STON2: variants seen among roughly 807,000 people sequenced by gnomAD.
The protein encoded by STON2 is stonin-2.
STON2 carries 29 observed loss-of-function variants against 65.7 expected under a neutral mutation model. That is an observed-to-expected ratio of 0.44 (90% CI 0.33 to 0.60). STON2 has a LOEUF of 0.60. STON2 is among the 20% of genes least tolerant of loss of function. The pLI is 0.03. For missense variants in STON2, 1,054 were observed against 1,118.1 expected (o/e 0.94, Z 0.82); for synonymous variants, 404 against 414.2 (o/e 0.98, Z 0.30).
chr14:81,380,987 G>T (rs1331426696), intron 3 of STON2, among the ~76,000 whole-genome samples: 1 of 150,554 alleles, frequency 6.6e-6, no homozygotes, highest in Non-Finnish European at 1.5e-5. Flanking sequence ...ATGTTGGAAA[G>T]AAAAAAAAAT....
intron 3 of STON2, among the ~76,000 whole-genome samples, chr14:81,371,676 T>TCAAAAAAAAAAAAAAAAAAAAA (rs58782661): frequency 3.1e-5 from 3 of 97,686 alleles, no homozygotes; most frequent in African/African-American, 4.5e-5. Context: ...AGACTGAGTC[T>TCAAAAAAAAAAAAAAAAAAAAA]AAAAAAAAAA....
chr14:81,396,593 T>C (rs1291553506), intron 2 of STON2, among the ~76,000 whole-genome samples: 2 of 152,136 alleles, frequency 1.3e-5, no homozygotes, highest in Non-Finnish European at 2.9e-5. Context: ...GACATTCAAA[T>C]TCAAATTTCA....
At chr14:81,344,310 T>C (rs1897731487) in intron 4 of STON2, among the ~76,000 whole-genome samples, 2 of 152,244 alleles carry the variant, frequency 1.3e-5, no homozygotes, top group African/African-American at 2.4e-5. Flanking sequence ...AAAAGTCCTA[T>C]GTCCTCTAGA....
chr14:81,330,047 C>T (rs948687012), intron 4 of STON2, among the ~76,000 whole-genome samples: 5 of 152,204 alleles, frequency 3.3e-5, no homozygotes, highest in Admixed American at 2.0e-4. Flanking sequence ...GGGAGAAGTA[C>T]TTTATCCTAG....
intron 2 of STON2, chr14:81,413,119 C>T: frequency 8.0e-7 from 1 of 1,246,288 alleles, no homozygotes; most frequent in Non-Finnish European, 1.1e-6. Context: ...ACAAGAAGTA[C>T]AATCCCACCT....
chr14:81,359,351 A>G (rs1424529192), intron 4 of STON2, among the ~76,000 whole-genome samples: 1 of 152,222 alleles, frequency 6.6e-6, no homozygotes, highest in Non-Finnish European at 1.5e-5. Flanking sequence ...ACAGAAACAC[A>G]ATGTACCACA....
At chr14:81,282,226 AT>A (rs1381052530) in intron 5 of STON2, among the ~76,000 whole-genome samples, 1 of 152,234 alleles carries the variant, frequency 6.6e-6, no homozygotes, top group East Asian at 1.9e-4. Flanking sequence ...TACCCTTAAA[AT>A]GAAATTCCAT....
chr14:81,309,050 G>C (rs1896321680), intron 5 of STON2, among the ~76,000 whole-genome samples: 1 of 147,788 alleles, frequency 6.8e-6, no homozygotes, highest in South Asian at 2.2e-4. Context: ...GCTTTGCCCT[G>C]CTTCTATGAG....
intron 5 of STON2, among the ~76,000 whole-genome samples, chr14:81,321,519 C>G (rs931543134): frequency 6.6e-6 from 1 of 152,112 alleles, no homozygotes; most frequent in Admixed American, 6.5e-5. Flanking sequence ...GCAAGGCTAT[C>G]TCAAGTCCAC....
intron 5 of STON2, among the ~76,000 whole-genome samples, chr14:81,299,071 C>A (rs749236537): frequency 1.8e-4 from 27 of 152,154 alleles, no homozygotes; most frequent in Non-Finnish European, 3.4e-4. Context: ...CAGCCCAAAA[C>A]ACTCATAAGT....
chr14:81,425,254 C>T (rs1048104986), intron 2 of STON2, among the ~76,000 whole-genome samples: 2 of 152,098 alleles, frequency 1.3e-5, no homozygotes, highest in African/African-American at 4.8e-5. Context: ...ATTTTCCAAC[C>T]AAGTGTAAAA....
At chr14:81,400,514 C>G (rs1900555576), upstream of STON2, among the ~76,000 whole-genome samples, 1 of 147,608 alleles carries the variant, frequency 6.8e-6, no homozygotes. Flanking sequence ...ATACAAGTCC[C>G]TATGCTGACA....
At chr14:81,295,282 G>A (rs1370543863) in intron 5 of STON2, among the ~76,000 whole-genome samples, 2 of 152,122 alleles carry the variant, frequency 1.3e-5, no homozygotes, top group Admixed American at 1.3e-4. Flanking sequence ...CCGAGATTGT[G>A]CCATTGCACT....
intron 5 of STON2, among the ~76,000 whole-genome samples, chr14:81,311,628 GTT>G (rs1896431165): frequency 6.6e-6 from 1 of 152,182 alleles, no homozygotes; most frequent in South Asian, 2.1e-4. Flanking sequence ...ATCGCTGCTA[GTT>G]GTACAGTTAG....
intron 1 of STON2, among the ~76,000 whole-genome samples, chr14:81,435,466 C>T (rs930732424): frequency 2.6e-5 from 4 of 152,128 alleles, no homozygotes; most frequent in Admixed American, 6.5e-5. Flanking sequence ...GCTATCAGAC[C>T]GGTGCAATCA....
At chr14:81,416,846 CA>C (rs1289621321) in intron 2 of STON2, among the ~76,000 whole-genome samples, 6 of 152,104 alleles carry the variant, frequency 3.9e-5, no homozygotes, top group African/African-American at 1.4e-4. Context: ...TGCAGGCACA[CA>C]AAACCTTTAT....
At chr14:81,300,264 T>TTC (rs927284583) in intron 5 of STON2, among the ~76,000 whole-genome samples, 1 of 151,824 alleles carries the variant, frequency 6.6e-6, no homozygotes, top group African/African-American at 2.4e-5. Context: ...TTACCCTTCC[T>TTC]TCTCTCTCTC....
In STON2 at chr14:81,268,466, G is replaced by A. The variant is rs780174719; in HGVS notation, c.2816C>T (p.Pro939Leu). ...TTCCATTTCATCTCCTTCAAAGTCC[G>A]GCTTCAAACTCTTTTTTTGCTCAAT... The part of the protein sequence containing the change: ...VEIEQKKSLK[P>L]DFEGDEMENP... The change falls in exon 8 of 8, where the codon CCG becomes CTG. Residue 939 changes from proline to leucine, a missense_variant. By Grantham distance (98) the Pro-to-Leu change is moderately conservative. Transcript: ENST00000614646. The A allele has an allele frequency of 2.2e-5, 29 of 1,289,340 alleles. No homozygotes were observed. The highest frequency in any genetic ancestry group is 1.5e-4 in the South Asian group (12 of 81,016). 79.9% of individuals were successfully genotyped at this position (1,289,340 alleles called of 1,614,324 possible).
chr14:81,398,551 T>C lies in STON2; in HGVS notation c.-169A>G, dbSNP rs1900447455. On this transcript the variant is annotated 5_prime_UTR_variant, in exon 2 of 8. Coordinates refer to ENST00000614646, the MANE Select transcript of STON2 (RefSeq NM_001394390.1). ...CAGAATGTAGACAGATCAGCCTCTC[T>C]TGCCGTTGGTTAATCTGCCAGGCAG... 1 of 476,464 alleles carries C rather than the reference T, an allele frequency of 2.1e-6. No homozygotes were observed. The highest frequency in any genetic ancestry group is 3.8e-5 in the Admixed American group (1 of 26,004). 29.5% of individuals were successfully genotyped at this position (476,464 alleles called of 1,614,324 possible). A position where few individuals can be genotyped will look rare whatever the true frequency, so the allele number is the denominator to read the frequency against.
Sources: gnomAD v4.1 joint callset for allele counts (sites outside exome capture counted in the v4.1 genomes callset) on GRCh38, gnomAD v4.1.1 for gene constraint, MANE v1.5 for transcripts, NCBI Gene and HGNC (gene_info 2026-07-23, HGNC 2026-07-21) for gene names.